The following IGF1R variants were observed in gnomAD, a reference collection of about 807,000 sequenced individuals.
The protein encoded by IGF1R is insulin-like growth factor 1 receptor.
Under a neutral mutation model 144.6 loss-of-function variants are expected in IGF1R, and 44 were observed. The observed-to-expected ratio is 0.30, with a 90% CI of 0.24 to 0.39. The LOEUF is 0.39. Ranked by LOEUF, IGF1R falls within the 10% of genes least tolerant of loss-of-function variation. The pLI, the probability that IGF1R is intolerant of heterozygous loss-of-function variation, is 1.00. For synonymous variants in IGF1R, 795 were observed against 722.8 expected, an observed-to-expected ratio of 1.10 and a Z score of -1.60; for missense variants, 1,355 against 1,833.7, an observed-to-expected ratio of 0.74 and a Z score of 4.77.
intron 20 of IGF1R, among the ~76,000 whole-genome samples, chr15:98,950,103 A>C (rs1182787666): frequency 6.6e-6 from 1 of 152,208 alleles, no homozygotes; most frequent in Admixed American, 6.5e-5. Flanking sequence ...AATGCTTTTC[A>C]GGACAGGTTT....
chr15:98,938,067 A>C (rs1264655037), intron 17 of IGF1R, among the ~76,000 whole-genome samples: 1 of 152,244 alleles, frequency 6.6e-6, no homozygotes, highest in Non-Finnish European at 1.5e-5. Flanking sequence ...AGTTGTTATA[A>C]TGATTCCAAA....
At chr15:98,765,523 C>A (rs947531415) in intron 2 of IGF1R, among the ~76,000 whole-genome samples, 4 of 151,492 alleles carry the variant, frequency 2.6e-5, no homozygotes, top group African/African-American at 9.7e-5. Flanking sequence ...GGAGTGTTGC[C>A]ATGTTGGCCA....
intron 2 of IGF1R, among the ~76,000 whole-genome samples, chr15:98,814,329 C>G (rs2056651055): frequency 2.0e-5 from 3 of 151,966 alleles, no homozygotes; most frequent in African/African-American, 7.3e-5. Context: ...CTTTCGGTGC[C>G]CTTATATGAT....
chr15:98,765,898 T>C (rs566751841), intron 2 of IGF1R, among the ~76,000 whole-genome samples: 11 of 152,178 alleles, frequency 7.2e-5, no homozygotes, highest in Admixed American at 2.0e-4. Flanking sequence ...AGTGTTGTCC[T>C]GCTAGTGATG....
intron 15 of IGF1R, among the ~76,000 whole-genome samples, chr15:98,934,276 C>G (rs570738505): frequency 3.7e-4 from 56 of 152,250 alleles, no homozygotes; most frequent in Non-Finnish European, 6.9e-4. Context: ...CTTTTGGATT[C>G]ATCCAAGAAG....
At chr15:98,931,817 A>T (rs1043982254) in intron 15 of IGF1R, among the ~76,000 whole-genome samples, 1 of 152,174 alleles carries the variant, frequency 6.6e-6, no homozygotes, top group South Asian at 2.1e-4. Context: ...GAATCCCACC[A>T]CTGCACTACA....
At chr15:98,930,484 A>G (rs1567206417) in intron 15 of IGF1R, among the ~76,000 whole-genome samples, 179 bp downstream of exon 15, 1 of 152,062 alleles carries the variant, frequency 6.6e-6, no homozygotes, top group Non-Finnish European at 1.5e-5. Flanking sequence ...AGTTTTTAGC[A>G]GTTCAGTGAA....
intron 2 of IGF1R, among the ~76,000 whole-genome samples, chr15:98,852,327 G>A (rs1447859995): frequency 1.3e-5 from 2 of 152,046 alleles, no homozygotes; most frequent in Non-Finnish European, 2.9e-5. Flanking sequence ...CCGGGTGAGG[G>A]AAGAGGGAGC....
chr15:98,876,326 AAG>A (rs56665864), intron 2 of IGF1R, among the ~76,000 whole-genome samples: 8 of 151,454 alleles, frequency 5.3e-5, no homozygotes, highest in Non-Finnish European at 7.4e-5. Context: ...AAAAAAAAAA[AAG>A]AGAGAGAGAG....
At chr15:98,909,331 G>A (rs1160238136) in intron 6 of IGF1R, among the ~76,000 whole-genome samples, 1 of 123,984 alleles carries the variant, frequency 8.1e-6, no homozygotes, top group Non-Finnish European at 1.6e-5. Flanking sequence ...GCATGATCTT[G>A]GCTCACTGTA....
intron 2 of IGF1R, among the ~76,000 whole-genome samples, chr15:98,878,680 A>C (rs1473906044): frequency 4.1e-5 from 6 of 145,184 alleles, no homozygotes; most frequent in African/African-American, 1.0e-4. Flanking sequence ...AAAAAAAAAA[A>C]AAAAAAAAAA....
chr15:98,934,115 C>CTT (rs5814913), intron 15 of IGF1R, among the ~76,000 whole-genome samples: 5 of 137,544 alleles, frequency 3.6e-5, no homozygotes, highest in Non-Finnish European at 4.7e-5. Context: ...AAATATTTCA[C>CTT]TTTTTTTTTT....
chr15:98,724,498 A>G (rs1367271941), intron 2 of IGF1R, among the ~76,000 whole-genome samples: 1 of 152,244 alleles, frequency 6.6e-6, no homozygotes, highest in African/African-American at 2.4e-5. Context: ...GCACTGGGGT[A>G]GGAGCCATCA....
At chr15:98,679,185 C>T in intron 1 of IGF1R, among the ~76,000 whole-genome samples, 1 of 151,804 alleles carries the variant, frequency 6.6e-6, no homozygotes, top group Non-Finnish European at 1.5e-5. Flanking sequence ...GGATTACAGG[C>T]ATGAGCCACC....
At chr15:98,713,655 T>TCCTC (rs2054049017) in intron 2 of IGF1R, among the ~76,000 whole-genome samples, 3 of 152,170 alleles carry the variant, frequency 2.0e-5, no homozygotes, top group African/African-American at 7.2e-5. Context: ...CGGAGGTGAA[T>TCCTC]CCTCCTGAGT....
intron 2 of IGF1R, among the ~76,000 whole-genome samples, chr15:98,880,186 C>G (rs1397439542): frequency 6.6e-6 from 1 of 152,162 alleles, no homozygotes; most frequent in African/African-American, 2.4e-5. Flanking sequence ...CATCCTATAA[C>G]CTATACCATC....
At chr15:98,938,919 GC>G (rs1049067483) in intron 17 of IGF1R, among the ~76,000 whole-genome samples, 5 of 152,128 alleles carry the variant, frequency 3.3e-5, no homozygotes, top group Non-Finnish European at 5.9e-5. Flanking sequence ...AAAAAATGTT[GC>G]CCTACCCAAA....
rs151306766 is a variant in IGF1R at position 98,932,625 on chromosome 15, A to G, written c.2957-2199A>G. On this transcript the variant is annotated intron_variant, in intron 15 of 20. Coordinates refer to ENST00000650285, the MANE Select transcript of IGF1R (RefSeq NM_000875.5). ...TAAAAGCAAGCCTGGATTCTCAGAG[A>G]TAAATGGCTGGAGACAGTGAACTCT... Among the ~76,000 whole-genome samples, 983 of 152,330 alleles carry G rather than the reference A, an allele frequency of 6.5e-3. 11 individuals are homozygous for G. The highest frequency in any genetic ancestry group is 0.012 in the South Asian group (60 of 4,826).
intron 1 of IGF1R, among the ~76,000 whole-genome samples, chr15:98,659,390 A>G (rs1040603830): frequency 6.6e-5 from 10 of 152,184 alleles, no homozygotes; most frequent in Admixed American, 4.6e-4. Context: ...CATCTCGCCT[A>G]TGCATAGGCT....
Sources: gnomAD v4.1 joint callset for allele counts (sites outside exome capture counted in the v4.1 genomes callset) on GRCh38, gnomAD v4.1.1 for gene constraint, MANE v1.5 for transcripts, NCBI Gene and HGNC (gene_info 2026-07-23, HGNC 2026-07-21) for gene names.